GRIA1: variants seen among roughly 807,000 people sequenced by gnomAD.
GRIA1 encodes glutamate ionotropic receptor AMPA type subunit 1.
GRIA1 carries 31 observed loss-of-function variants against 99.2 expected under a neutral mutation model. The ratio of observed to expected loss-of-function variants is 0.31; its 90% confidence interval spans 0.23 to 0.42. GRIA1 has a LOEUF of 0.42. GRIA1 is among the 10% of genes least tolerant of loss of function. The pLI, the probability that GRIA1 is intolerant of heterozygous loss-of-function variation, is 1.00. For synonymous variants in GRIA1, 438 were observed against 432.4 expected (o/e 1.01, Z -0.16); for missense variants, 782 against 1,157.5 (o/e 0.68, Z 4.71).
chr5:153,525,959 A>G (rs1172459135), intron 2 of GRIA1, among the ~76,000 whole-genome samples: 2 of 152,148 alleles, frequency 1.3e-5, no homozygotes, highest in African/African-American at 4.8e-5. Context: ...CAAGTTTCCT[A>G]TTAGTAATTT....
At chr5:153,598,769 T>C (rs767423775) in intron 2 of GRIA1, among the ~76,000 whole-genome samples, 8 of 151,308 alleles carry the variant, frequency 5.3e-5, no homozygotes, top group Admixed American at 1.3e-4. Flanking sequence ...AATGATACTT[T>C]AACAGAATAA....
At chr5:153,778,682 CACACAT>C (rs778516372) in intron 13 of GRIA1, among the ~76,000 whole-genome samples, 53 of 139,564 alleles carry the variant, frequency 3.8e-4, no homozygotes, top group African/African-American at 1.2e-3. Flanking sequence ...CACACACACA[CACACAT>C]ACACGCACAC....
intron 7 of GRIA1, among the ~76,000 whole-genome samples, chr5:153,685,618 C>G (rs1561766434): frequency 6.6e-6 from 1 of 152,276 alleles, no homozygotes; most frequent in Non-Finnish European, 1.5e-5. Context: ...AAACTGAAGG[C>G]TTAGAGAGCT....
intron 2 of GRIA1, among the ~76,000 whole-genome samples, chr5:153,614,504 A>G (rs545457711): frequency 6.6e-6 from 1 of 152,332 alleles, no homozygotes; most frequent in Admixed American, 6.5e-5. Flanking sequence ...TTTGCAAATA[A>G]GGAAACTGGT....
intron 11 of GRIA1, among the ~76,000 whole-genome samples, chr5:153,715,451 G>A (rs1372078693): frequency 7.2e-5 from 11 of 151,992 alleles, no homozygotes; most frequent in African/African-American, 1.7e-4. Context: ...CAGCAGGGCC[G>A]GCTGGGATTG....
At chr5:153,743,628 A>C (rs936034476) in intron 11 of GRIA1, among the ~76,000 whole-genome samples, 1 of 152,018 alleles carries the variant, frequency 6.6e-6, no homozygotes, top group Non-Finnish European at 1.5e-5. Context: ...CCCACTTCAA[A>C]TCTCTCTGTC....
chr5:153,665,162 A>G (rs139510039), intron 5 of GRIA1, among the ~76,000 whole-genome samples: 1,598 of 152,322 alleles, frequency 0.01, 20 homozygotes, highest in Middle Eastern at 0.014. Flanking sequence ...CCTTGCACTC[A>G]ATAGCCCAAC....
At chr5:153,756,123 C>G (rs547029347) in intron 11 of GRIA1, among the ~76,000 whole-genome samples, 2 of 152,360 alleles carry the variant, frequency 1.3e-5, no homozygotes, top group East Asian at 3.9e-4. Context: ...GCAGGCCCAG[C>G]TTATTAAAGC....
chr5:153,709,066 A>G (rs1335292812), intron 11 of GRIA1, among the ~76,000 whole-genome samples: 1 of 152,268 alleles, frequency 6.6e-6, no homozygotes, highest in East Asian at 1.9e-4. Flanking sequence ...CTTGAACCAG[A>G]CAAAAACACA....
intron 11 of GRIA1, among the ~76,000 whole-genome samples, chr5:153,723,633 G>T (rs535944021): frequency 6.6e-6 from 1 of 152,122 alleles, no homozygotes; most frequent in African/African-American, 2.4e-5. Flanking sequence ...ACGGAGTCTC[G>T]CTGATTGCTA....
intron 7 of GRIA1, among the ~76,000 whole-genome samples, chr5:153,679,526 C>T (rs1223508674): frequency 6.6e-6 from 1 of 152,236 alleles, no homozygotes; most frequent in Non-Finnish European, 1.5e-5. Context: ...AGATCCCAGT[C>T]CAGGGCTCCT....
At chr5:153,573,619 G>A (rs1762302123) in intron 2 of GRIA1, among the ~76,000 whole-genome samples, 1 of 152,166 alleles carries the variant, frequency 6.6e-6, no homozygotes, top group Non-Finnish European at 1.5e-5. Flanking sequence ...CATGTCAACT[G>A]AGAGTGCTGG....
At chr5:153,748,887 G>A (rs1762329164) in intron 11 of GRIA1, among the ~76,000 whole-genome samples, 1 of 152,154 alleles carries the variant, frequency 6.6e-6, no homozygotes, top group Non-Finnish European at 1.5e-5. Flanking sequence ...CAAGTAGGCA[G>A]TTAAATATAT....
intron 2 of GRIA1, among the ~76,000 whole-genome samples, chr5:153,561,299 G>C (rs956603436): frequency 3.9e-5 from 6 of 152,302 alleles, no homozygotes; most frequent in Admixed American, 3.9e-4. Flanking sequence ...TTCTTGGCCA[G>C]GGTCATGAAA....
At chr5:153,634,016 A>G (rs1753165145) in intron 2 of GRIA1, among the ~76,000 whole-genome samples, 1 of 152,160 alleles carries the variant, frequency 6.6e-6, no homozygotes, top group Non-Finnish European at 1.5e-5. Context: ...AGGTACCGCA[A>G]TAGAGAATAA....
chr5:153,639,028 C>T (rs559370041), intron 2 of GRIA1, among the ~76,000 whole-genome samples: 25 of 152,200 alleles, frequency 1.6e-4, no homozygotes, highest in Middle Eastern at 3.2e-3. Flanking sequence ...AAAACAGCCA[C>T]GTCTGTGCTG....
intron 2 of GRIA1, among the ~76,000 whole-genome samples, chr5:153,498,468 T>C (rs1022892986): frequency 1.3e-4 from 20 of 152,192 alleles, no homozygotes; most frequent in African/African-American, 4.3e-4. Context: ...GTCAGGGAAT[T>C]ACACAGCATA....
intron 2 of GRIA1, among the ~76,000 whole-genome samples, chr5:153,577,661 C>A (rs1333261511): frequency 6.6e-6 from 1 of 152,052 alleles, no homozygotes; most frequent in Admixed American, 6.6e-5. Flanking sequence ...AGTTCAAGAC[C>A]CAAGTTCAAA....
At chr5:153,578,237 C>T (rs1323109260) in intron 2 of GRIA1, among the ~76,000 whole-genome samples, 1 of 146,766 alleles carries the variant, frequency 6.8e-6, no homozygotes, top group African/African-American at 2.5e-5. Context: ...AAGAAAAAAG[C>T]AATACACTGA....
Sources: allele counts gnomAD v4.1 joint callset (sites outside exome capture counted in the v4.1 genomes callset), GRCh38; gene constraint gnomAD v4.1.1; transcripts MANE v1.5; gene names NCBI Gene and HGNC (gene_info 2026-07-23, HGNC 2026-07-21).